PALLD: variants seen among roughly 807,000 people sequenced by gnomAD.
PALLD encodes palladin, cytoskeletal associated protein.
In PALLD, 61 loss-of-function variants were observed where a neutral mutation model predicts 123.5. The ratio of observed to expected loss-of-function variants is 0.49; its 90% CI spans 0.40 to 0.61. PALLD has a LOEUF of 0.61. Ranked by LOEUF, PALLD falls within the 20% of genes least tolerant of loss-of-function variation. The pLI is 0.00. For synonymous variants in PALLD, 465 were observed against 496.4 expected, an observed-to-expected ratio of 0.94 and a Z score of 0.84; for missense variants, 1,273 against 1,377.0, an observed-to-expected ratio of 0.92 and a Z score of 1.20.
At position 168,718,179 on chromosome 4, in the gene PALLD, T is replaced by C. The variant is rs190075636; in HGVS notation, c.1964+6256T>C. ...TACAAAGTTGAACATTATCCCGTCC[T>C]TCAACCTCTACTAGTTAGGGTTCAA... On this transcript the variant is annotated intron_variant, in intron 10 of 21. Transcript: ENST00000505667. 2.3e-3 allele frequency among the ~76,000 whole-genome samples: 355 copies of C among 152,344 alleles called. 4 individuals are homozygous for C. The highest frequency in any genetic ancestry group is 8.2e-3 in the African/African-American group (339 of 41,590).
intron 6 of PALLD, among the ~76,000 whole-genome samples, chr4:168,688,519 C>A (rs1036829168): frequency 6.6e-6 from 1 of 152,176 alleles, no homozygotes; most frequent in African/African-American, 2.4e-5. Flanking sequence ...ACCCCCAGGG[C>A]CCCCAGATCC....
intron 2 of PALLD, among the ~76,000 whole-genome samples, chr4:168,554,246 C>G (rs17541287): frequency 0.52 from 79,358 of 152,040 alleles, 21,039 homozygotes; most frequent in East Asian, 0.83. Flanking sequence ...CTTTATTTTT[C>G]TGAGTTTTTT....
intron 10 of PALLD, among the ~76,000 whole-genome samples, chr4:168,745,423 TGGGA>T (rs1332118132): frequency 4.6e-5 from 3 of 64,930 alleles, no homozygotes; most frequent in African/African-American, 1.5e-4. Flanking sequence ...GTCTGTGAGA[TGGGA>T]GGGGGGGGCA....
chr4:168,909,228 T>C lies in PALLD; in HGVS notation c.2623-4699T>C, dbSNP rs116469660. Among the ~76,000 whole-genome samples the C allele has an allele frequency of 4.5e-3, 685 of 152,322 alleles. 8 individuals are homozygous for C. Among genetic ancestry groups the C allele is most frequent in the African/African-American group, 0.016 (653 of 41,586 alleles). Reference sequence around the variant, plus strand: ...GTTGTGTTGCTAAGTTACTTTGTATTGCACTTGGATTTTGGAATGGCTATT... The same window carrying C: ...GTTGTGTTGCTAAGTTACTTTGTATCGCACTTGGATTTTGGAATGGCTATT... On this transcript the variant is annotated intron_variant, in intron 15 of 21. Coordinates refer to ENST00000505667, the MANE Select transcript of PALLD (RefSeq NM_001166108.2).
At chr4:168,682,801 A>G (rs1781675275) in intron 4 of PALLD, among the ~76,000 whole-genome samples, 197 bp from the exon 5 acceptor site, 3 of 152,136 alleles carry the variant, frequency 2.0e-5, no homozygotes, top group Non-Finnish European at 2.9e-5. Context: ...ACATGTATAT[A>G]CTGACCACAG....
At chr4:168,838,654 T>C (rs562532266) in intron 10 of PALLD, among the ~76,000 whole-genome samples, 327 of 149,866 alleles carry the variant, frequency 2.2e-3, no homozygotes, top group African/African-American at 7.2e-3. Context: ...GGAGAGAGAT[T>C]ATCTTCTAAC....
chr4:168,744,685 T>TA (rs1788684770), intron 10 of PALLD, among the ~76,000 whole-genome samples: 1 of 152,200 alleles, frequency 6.6e-6, no homozygotes, highest in Non-Finnish European at 1.5e-5. Flanking sequence ...TGATTCAACT[T>TA]ATGAAGTTTC....
intron 10 of PALLD, chr4:168,863,706 T>C (rs988066636): frequency 6.6e-6 from 1 of 152,248 alleles, no homozygotes; most frequent in Admixed American, 6.5e-5. Context: ...ATTTTGACAT[T>C]TTTGTAAATT....
At chr4:168,753,454 A>T (rs1318399343) in intron 10 of PALLD, among the ~76,000 whole-genome samples, 2 of 149,584 alleles carry the variant, frequency 1.3e-5, no homozygotes, top group Non-Finnish European at 3.0e-5. Context: ...GAATGAACCC[A>T]TACCAACTCC....
intron 2 of PALLD, among the ~76,000 whole-genome samples, chr4:168,587,455 G>A (rs941057842): frequency 1.3e-5 from 2 of 152,302 alleles, no homozygotes; most frequent in Admixed American, 1.3e-4. Context: ...GCAGCAGACA[G>A]CTCACCAGAT....
At chr4:168,714,151 A>G (rs1449964326) in intron 10 of PALLD, among the ~76,000 whole-genome samples, 3 of 152,188 alleles carry the variant, frequency 2.0e-5, no homozygotes, top group South Asian at 2.1e-4. Context: ...TTACAAAATC[A>G]GTGGATGCTT....
At chr4:168,909,170 C>G (rs571021990) in intron 15 of PALLD, among the ~76,000 whole-genome samples, 1 of 152,272 alleles carries the variant, frequency 6.6e-6, no homozygotes, top group South Asian at 2.1e-4. Context: ...TTAAGAACAA[C>G]GACATCTAAA....
Position 168,878,471 on chromosome 4 carries a change from C to T in PALLD, c.1965-12451C>T. On this transcript the variant is annotated intron_variant, in intron 10 of 21. Coordinates refer to ENST00000505667, the MANE Select transcript of PALLD (RefSeq NM_001166108.2). ...CCTGGGACTCCCACATCTCCATACACGCGCTCCCATCAGCCTGCAACCCAG... is the reference window on the plus strand; with the variant it reads ...CCTGGGACTCCCACATCTCCATACATGCGCTCCCATCAGCCTGCAACCCAG... 1.7e-5 allele frequency: 19 copies of T among 1,135,336 alleles called. No individual in the cohort carries two copies. The South Asian group carries it at 2.5e-4, about 15-fold the overall frequency. The allele number at this position is 1,135,336 out of a possible 1,614,324, so 70.3% of individuals were successfully genotyped here.
intron 2 of PALLD, among the ~76,000 whole-genome samples, chr4:168,597,936 T>C (rs1260917945): frequency 6.6e-6 from 1 of 152,146 alleles, no homozygotes; most frequent in Admixed American, 6.6e-5. Flanking sequence ...AATATTTCTG[T>C]CAAATCAATA....
At chr4:168,806,706 G>A (rs1358012881) in intron 10 of PALLD, among the ~76,000 whole-genome samples, 5 of 152,148 alleles carry the variant, frequency 3.3e-5, no homozygotes, top group African/African-American at 9.7e-5. Context: ...AAAATGTAAC[G>A]TAGATGGTCT....
At chr4:168,894,022 C>A (rs985710385) in intron 11 of PALLD, 8 of 163,920 alleles carry the variant, frequency 4.9e-5, no homozygotes, top group Admixed American at 1.2e-4. Context: ...GAGGTAAGAA[C>A]CCCATCACTG....
intron 10 of PALLD, among the ~76,000 whole-genome samples, chr4:168,887,167 G>A: frequency 6.7e-6 from 1 of 149,058 alleles, no homozygotes; most frequent in Non-Finnish European, 1.5e-5. Flanking sequence ...GTTTTTACTT[G>A]AGCCAAAGAC....
At chr4:168,582,940 T>C (rs1770442325) in intron 2 of PALLD, among the ~76,000 whole-genome samples, 1 of 152,188 alleles carries the variant, frequency 6.6e-6, no homozygotes, top group African/African-American at 2.4e-5. Context: ...TTGGTTCCAG[T>C]ACTTTACTGT....
chr4:168,689,187 T>C lies in PALLD; in HGVS notation c.1336-1416T>C, dbSNP rs140839771. ...TAGACTTTTATAGTTCTTCTGCCAATGTCATAGGTTTTAGAATTCCCTCAG... is the reference window on the plus strand; with the variant it reads ...TAGACTTTTATAGTTCTTCTGCCAACGTCATAGGTTTTAGAATTCCCTCAG... On this transcript the variant is annotated intron_variant, in intron 6 of 21. Transcript: ENST00000505667. 1.2e-3 allele frequency among the ~76,000 whole-genome samples: 188 copies of C among 152,328 alleles called. 1 individual carries two copies. In the East Asian group the frequency reaches 0.02, roughly 16 times the overall value.
Sources: allele counts gnomAD v4.1 joint callset (sites outside exome capture counted in the v4.1 genomes callset), GRCh38; gene constraint gnomAD v4.1.1; transcripts MANE v1.5; gene names NCBI Gene and HGNC (gene_info 2026-07-23, HGNC 2026-07-21).